ITGB1: variants seen among roughly 807,000 people sequenced by gnomAD.
ITGB1 encodes the protein integrin beta-1.
In ITGB1, 24 loss-of-function variants were observed where a neutral mutation model predicts 86.5. The ratio of observed to expected loss-of-function variants is 0.28; its 90% CI spans 0.20 to 0.39. The LOEUF is 0.39. Among genes scored for constraint, ITGB1 ranks in the 10% least tolerant of loss-of-function variants. The pLI is 1.00. For synonymous variants in ITGB1, 323 were observed against 316.8 expected (o/e 1.02, Z -0.21); for missense variants, 556 against 946.9 (o/e 0.59, Z 5.42).
At chr10:32,906,674 C>T (rs2094897343) in intron 15 of ITGB1, 1 of 219,868 alleles carries the variant, frequency 4.5e-6, no homozygotes, top group Non-Finnish European at 9.1e-6. Context: ...AGGATTAGAG[C>T]TGACAGGCTG....
chr10:32,918,189 T>C (rs567146845), intron 11 of ITGB1, among the ~76,000 whole-genome samples: 1 of 152,194 alleles, frequency 6.6e-6, no homozygotes, highest in African/African-American at 2.4e-5. Context: ...CACTGGGGCC[T>C]GTCATAAGGT....
At chr10:32,932,680 A>T (rs2094987587) in intron 2 of ITGB1, 80 bp from the exon 3 acceptor site, 1 of 802,946 alleles carries the variant, frequency 1.2e-6, no homozygotes, top group Non-Finnish European at 2.2e-6. Flanking sequence ...TCACAATGAC[A>T]ATGCAATACA....
chr10:32,911,137 G>T (rs1388599379), intron 13 of ITGB1, among the ~76,000 whole-genome samples: 1 of 152,190 alleles, frequency 6.6e-6, no homozygotes, highest in Non-Finnish European at 1.5e-5. Flanking sequence ...CAGTAATTAA[G>T]AAATTGGTAA....
At chr10:32,923,380 T>C (rs1264518801) in intron 7 of ITGB1, among the ~76,000 whole-genome samples, 1 of 152,154 alleles carries the variant, frequency 6.6e-6, no homozygotes, top group Non-Finnish European at 1.5e-5. Context: ...GAGGCCCTTG[T>C]CTGAGCAGAA....
At chr10:32,933,312 A>G (rs2137234614) in intron 2 of ITGB1, 1 of 152,260 alleles carries the variant, frequency 6.6e-6, no homozygotes, top group East Asian at 1.9e-4. Context: ...AAACTGGGCA[A>G]AGTATTATTT....
intron 1 of ITGB1, among the ~76,000 whole-genome samples, chr10:32,946,831 A>T (rs1010310448): frequency 1.4e-5 from 2 of 145,016 alleles, no homozygotes; most frequent in Non-Finnish European, 3.0e-5. Flanking sequence ...AAGGTTTTTT[A>T]AAAGAATTAT....
intron 1 of ITGB1, among the ~76,000 whole-genome samples, chr10:32,938,814 G>A (rs902829161): frequency 1.3e-5 from 2 of 152,214 alleles, no homozygotes; most frequent in Admixed American, 1.3e-4. Flanking sequence ...GGAAAGGCTA[G>A]AGGATGACTC....
rs760351536 is a variant in ITGB1 at position 32,925,959 on chromosome 10, T to C, written c.698A>G (p.Asn233Ser). The change falls in exon 6 of 16, where the codon AAT becomes AGT. Residue 233 changes from asparagine (N) to serine (S), a missense_variant. Physicochemically the swap from Asn to Ser is conservative, Grantham distance 46 (BLOSUM62 1). Coordinates refer to ENST00000302278, the MANE Select transcript of ITGB1 (RefSeq NM_002211.4). ...TATGCGCTGTTTTCCAACAAGTTCA[T>C]TAAATACTTCTCCTTTATTAGTAAG... The part of the protein sequence containing the change: ...LSLTNKGEVF[N>S]ELVGKQRISG... 6.2e-7 allele frequency: 1 copy of C among 1,614,144 alleles called. No homozygotes were observed. Among genetic ancestry groups the C allele is most frequent in the Non-Finnish European group, 8.5e-7 (1 of 1,179,982 alleles).
chr10:32,924,275 CCATTCTAACTCCTCAAT>C (rs1565825079), intron 6 of ITGB1, among the ~76,000 whole-genome samples: 1 of 152,068 alleles, frequency 6.6e-6, no homozygotes, highest in African/African-American at 2.4e-5. Context: ...ATAATTTCAC[CCATTCTAACTCCTCAAT>C]CAGTACTGTT....
chr10:32,906,065 CACACATATATAT>C (rs1471401578), intron 15 of ITGB1, among the ~76,000 whole-genome samples: 1 of 152,014 alleles, frequency 6.6e-6, no homozygotes, highest in African/African-American at 2.4e-5. Context: ...CACAGACACA[CACACATATATAT>C]ATAATATACA....
chr10:32,955,080 C>T (rs935744217), intron 1 of ITGB1, among the ~76,000 whole-genome samples: 1 of 152,084 alleles, frequency 6.6e-6, no homozygotes, highest in African/African-American at 2.4e-5. Context: ...GGGTACATAC[C>T]ATAATATCTT....
rs1246626025 is a variant in ITGB1, at chr10:32,901,511, C to A, written c.*59G>T. On this transcript the variant is annotated 3_prime_UTR_variant, in exon 16 of 16. Coordinates refer to ENST00000302278, the MANE Select transcript of ITGB1 (RefSeq NM_002211.4). ...GCAATATTGCCCTAAAGCTACCTAA[C>A]TGTGACTATGGAAATTGCTACTTTG... 12 of 1,108,342 alleles carry A rather than the reference C, an allele frequency of 1.1e-5. No individual in the cohort carries two copies. The highest frequency in any genetic ancestry group is 1.5e-5 in the Non-Finnish European group (11 of 744,708). 68.7% of individuals were successfully genotyped at this position (1,108,342 alleles called of 1,614,324 possible).
intron 6 of ITGB1, among the ~76,000 whole-genome samples, chr10:32,924,141 C>T (rs1400100826): frequency 1.3e-5 from 2 of 152,164 alleles, no homozygotes; most frequent in Non-Finnish European, 2.9e-5. Context: ...TACTTTACCC[C>T]ACTGCTGCTG....
In ITGB1 at chr10:32,911,549, C is replaced by T; in HGVS notation, c.1830G>A (p.Arg610=). ...EASNGQICNG[R]GICECGVCKC... ...TACAGACACCACACTCGCAGATGCC[C>T]CGGCCATTGCAGATCTGTCCGTTGC... Residue 610 remains arginine, a synonymous_variant, in exon 13 of 16, where the codon CGG becomes CGA. Transcript: ENST00000302278. 6.2e-7 allele frequency: 1 copy of T among 1,614,112 alleles called. No individual in the cohort carries two copies. Among genetic ancestry groups the T allele is most frequent in the Non-Finnish European group, 8.5e-7 (1 of 1,180,000 alleles).
chr10:32,926,408 A>G (rs987501384), intron 5 of ITGB1, among the ~76,000 whole-genome samples: 4 of 152,156 alleles, frequency 2.6e-5, no homozygotes, highest in Admixed American at 6.5e-5. Context: ...GTGATCCCCA[A>G]TGTTGAAGGT....
intron 1 of ITGB1, among the ~76,000 whole-genome samples, chr10:32,941,505 C>A (rs1290067720): frequency 6.6e-6 from 1 of 152,080 alleles, no homozygotes; most frequent in Non-Finnish European, 1.5e-5. Context: ...ACCAAGCAAG[C>A]AGGAAGAGCT....
At chr10:32,929,098 C>T in intron 4 of ITGB1, among the ~76,000 whole-genome samples, 1 of 152,064 alleles carries the variant, frequency 6.6e-6, no homozygotes, top group Non-Finnish European at 1.5e-5. Flanking sequence ...CAAAAAGAGG[C>T]CTGGAAGGCA....
At chr10:32,942,681 C>CTCT (rs1237891243) in intron 1 of ITGB1, among the ~76,000 whole-genome samples, 1 of 100,474 alleles carries the variant, frequency 1.0e-5, no homozygotes. Flanking sequence ...CTCTCTCTCT[C>CTCT]TCTTTTTTTT....
chr10:32,923,651 G>A lies in ITGB1; in HGVS notation c.876C>T (p.Gly292=). Reference sequence around the variant, plus strand: ...ATTGTCCATCATTTGGTAAAACAATGCCACCAAGTTTCCCATCTCCAGCAA... The same window carrying A: ...ATTGTCCATCATTTGGTAAAACAATACCACCAAGTTTCCCATCTCCAGCAA... ...FHFAGDGKLG[G]IVLPNDGQCH... The change falls in exon 7 of 16, where the codon GGC becomes GGT. Residue 292 remains glycine, a synonymous_variant. Coordinates refer to ENST00000302278, the MANE Select transcript of ITGB1 (RefSeq NM_002211.4). 1 of 1,613,728 alleles carries A rather than the reference G, an allele frequency of 6.2e-7. No homozygotes were observed. The highest frequency in any genetic ancestry group is 8.5e-7 in the Non-Finnish European group (1 of 1,179,780).
Sources: gnomAD v4.1 joint callset for allele counts (sites outside exome capture counted in the v4.1 genomes callset) on GRCh38, gnomAD v4.1.1 for gene constraint, MANE v1.5 for transcripts, NCBI Gene and HGNC (gene_info 2026-07-23, HGNC 2026-07-21) for gene names.